The following TBXAS1 variants were observed in gnomAD, a reference collection of about 807,000 sequenced individuals.
TBXAS1 encodes the protein thromboxane-A synthase.
A neutral mutation model predicts 60.7 loss-of-function variants in TBXAS1; 48 were observed. The observed-to-expected ratio is 0.79, with a 90% CI of 0.63 to 1.01. TBXAS1 has a LOEUF of 1.01. Among genes scored for constraint, TBXAS1 ranks in the 50% least tolerant of loss-of-function variants. The pLI, the probability that TBXAS1 is intolerant of heterozygous loss-of-function variation, is 0.00. For synonymous variants in TBXAS1, 287 were observed against 269.7 expected (o/e 1.06, Z -0.63); for missense variants, 685 against 686.3 (o/e 1.00, Z 0.02).
intron 9 of TBXAS1, among the ~76,000 whole-genome samples, chr7:139,978,775 C>CAAAAAAAAAAAAAA (rs35583867): frequency 1.1e-5 from 1 of 90,988 alleles, no homozygotes; most frequent in Non-Finnish European, 2.3e-5. Context: ...CCTGCCTCTA[C>CAAAAAAAAAAAAAA]AAAAAAAAAA....
chr7:139,838,919 A>C lies in TBXAS1; in HGVS notation c.89+9440A>C, dbSNP rs571147336. 9.6e-4 allele frequency among the ~76,000 whole-genome samples: 146 copies of C among 152,288 alleles called. 1 individual carries two copies. The highest frequency in any genetic ancestry group is 1.8e-3 in the Non-Finnish European group (124 of 68,026). Reference sequence around the variant, plus strand: ...AGACGATTAACACACAAGATAACACATTTTAAAAACTAATTTTTTCCCATA... The same window carrying C: ...AGACGATTAACACACAAGATAACACCTTTTAAAAACTAATTTTTTCCCATA... On this transcript the variant is annotated intron_variant, in intron 1 of 12. Coordinates refer to ENST00000448866, the MANE Select transcript of TBXAS1 (RefSeq NM_001061.7).
chr7:139,805,658 T>TTCTC lies in TBXAS1; in HGVS notation c.-80+18234_-80+18237dup, dbSNP rs774594041. On this transcript the variant is annotated intron_variant, in intron 4 of 16. Transcript: ENST00000336425. The stretch of plus-strand genomic sequence containing the variant: ...CCCTCCCTCCCTCCCTCCCTTCTTT[T>TTCTC]TCTCTTTCTTTCTTTCTTTCTTTCT... Among the ~76,000 whole-genome samples, 6 of 136,998 alleles carry TTCTC rather than the reference T, an allele frequency of 4.4e-5. No individual in the cohort carries two copies. The East Asian group carries it at 8.5e-4, about 19-fold the overall frequency. The allele number at this position is 136,998 out of a possible 152,430, so 89.9% of individuals were successfully genotyped here. A position where few individuals can be genotyped will look rare whatever the true frequency, so the allele number is the denominator to read the frequency against.
At chr7:139,824,790 G>A (rs1011908720), upstream of TBXAS1, among the ~76,000 whole-genome samples, 5 of 150,580 alleles carry the variant, frequency 3.3e-5, no homozygotes, top group African/African-American at 1.2e-4. Flanking sequence ...CAGTTGTGTA[G>A]AGTTGATTTT....
At chr7:139,934,886 C>G (rs988710476) in intron 4 of TBXAS1, among the ~76,000 whole-genome samples, 2 of 152,204 alleles carry the variant, frequency 1.3e-5, no homozygotes, top group Non-Finnish European at 2.9e-5. Context: ...AATCTCAGCT[C>G]ACTGCAACCT....
intron 9 of TBXAS1, among the ~76,000 whole-genome samples, chr7:139,988,686 G>A (rs555226531): frequency 1.3e-5 from 2 of 152,132 alleles, no homozygotes; most frequent in Middle Eastern, 3.2e-3. Context: ...AGCCCAGCTT[G>A]CATGGATGCC....
chr7:139,977,316 G>A (rs577674219), intron 9 of TBXAS1, among the ~76,000 whole-genome samples: 19 of 152,296 alleles, frequency 1.2e-4, no homozygotes, highest in South Asian at 4.1e-4. Context: ...CGTGGATGGC[G>A]GCAGGCAAAG....
chr7:139,855,767 C>T (rs1800541527), intron 1 of TBXAS1, among the ~76,000 whole-genome samples: 1 of 152,172 alleles, frequency 6.6e-6, no homozygotes, highest in Non-Finnish European at 1.5e-5. Flanking sequence ...CAGACTGCCC[C>T]TGTGGTCAAC....
intron 1 of TBXAS1, among the ~76,000 whole-genome samples, chr7:139,855,464 TA>T (rs1800516603): frequency 6.6e-6 from 1 of 151,458 alleles, no homozygotes; most frequent in African/African-American, 2.4e-5. Flanking sequence ...GTGAAAGGGA[TA>T]AGGTGAAGGT....
chr7:140,010,951 A>G (rs201984713), intron 10 of TBXAS1, among the ~76,000 whole-genome samples: 2 of 151,792 alleles, frequency 1.3e-5, no homozygotes, highest in East Asian at 1.9e-4. Context: ...CCAAAATAGC[A>G]TGCTTATACA....
At chr7:139,951,958 G>GAAAGA (rs1569518395) in intron 5 of TBXAS1, among the ~76,000 whole-genome samples, 18 of 95,098 alleles carry the variant, frequency 1.9e-4, no homozygotes, top group African/African-American at 6.6e-4. Flanking sequence ...AGAAAAGAAA[G>GAAAGA]AAAGAAAGAA....
chr7:139,814,164 G>A (rs998361817), intron 4 of TBXAS1, among the ~76,000 whole-genome samples: 8 of 152,180 alleles, frequency 5.3e-5, no homozygotes, highest in African/African-American at 1.9e-4. Context: ...AGTGTTGGGA[G>A]GAACAGTCTC....
chr7:139,955,947 G>A (rs990587537), intron 7 of TBXAS1, among the ~76,000 whole-genome samples: 2 of 152,108 alleles, frequency 1.3e-5, no homozygotes, highest in African/African-American at 4.8e-5. Flanking sequence ...TATTTCTCAG[G>A]TGTGAAACAG....
At chr7:139,864,241 G>A in intron 1 of TBXAS1, among the ~76,000 whole-genome samples, 1 of 149,132 alleles carries the variant, frequency 6.7e-6, no homozygotes. Context: ...TTACAACGCT[G>A]GCATTAAAAA....
At chr7:139,838,289 G>GC (rs939121098) in intron 1 of TBXAS1, among the ~76,000 whole-genome samples, 3 of 152,226 alleles carry the variant, frequency 2.0e-5, no homozygotes, top group African/African-American at 7.2e-5. Flanking sequence ...GCACTGAGGA[G>GC]CCCCCTCTCA....
chr7:139,895,798 G>T (rs775137690), intron 3 of TBXAS1, among the ~76,000 whole-genome samples: 1 of 152,214 alleles, frequency 6.6e-6, no homozygotes, highest in Non-Finnish European at 1.5e-5. Context: ...TCTTTGCCCC[G>T]CTAGACCTGA....
At chr7:139,920,417 T>C (rs1261211684) in intron 4 of TBXAS1, among the ~76,000 whole-genome samples, 3 of 152,178 alleles carry the variant, frequency 2.0e-5, no homozygotes, top group Non-Finnish European at 2.9e-5. Context: ...AAAGGGCCCA[T>C]AGGCCCTAAA....
rs758337568 is a variant in TBXAS1 at position 139,955,566 on chromosome 7, TCTTCGAA to T, written c.648_654del (p.Phe217SerfsTer17). 23 of 1,614,120 alleles carry T rather than the reference TCTTCGAA, an allele frequency of 1.4e-5. No homozygotes were observed. Among genetic ancestry groups the T allele is most frequent in the Non-Finnish European group, 1.8e-5 (21 of 1,180,048 alleles). On this transcript the variant is annotated frameshift_variant, in exon 7 of 13. Transcript: ENST00000448866. LOFTEE classifies it high-confidence loss of function. ...CCCTTTGTGAAACACTGCAAGCGTT[TCTTCGAA>T]TTCTGCATCCCCAGACCTATCCTGG...
At position 140,017,465 on chromosome 7, in the gene TBXAS1, C is replaced by T. The variant is rs143716003; in HGVS notation, c.1365-206C>T. On this transcript the variant is annotated intron_variant, in intron 11 of 12. Coordinates refer to ENST00000448866, the MANE Select transcript of TBXAS1 (RefSeq NM_001061.7). ...GCTGTGGACATTCCAGGTGATTCTG[C>T]GAATTCAGCTCTGCCTCTGGGGCTG... 1.6e-3 allele frequency among the ~76,000 whole-genome samples: 237 copies of T among 152,280 alleles called. 2 individuals carry two copies. The highest frequency in any genetic ancestry group is 5.5e-3 in the African/African-American group (228 of 41,548).
At chr7:139,881,627 G>A (rs767705872) in intron 3 of TBXAS1, among the ~76,000 whole-genome samples, 6 of 152,072 alleles carry the variant, frequency 3.9e-5, no homozygotes, top group African/African-American at 9.7e-5. Flanking sequence ...TGGATGTCAC[G>A]TTTGTAGCTT....
Sources: gnomAD v4.1 joint callset for allele counts (sites outside exome capture counted in the v4.1 genomes callset) on GRCh38, gnomAD v4.1.1 for gene constraint, MANE v1.5 for transcripts, NCBI Gene and HGNC (gene_info 2026-07-23, HGNC 2026-07-21) for gene names.